GALNT18: variants seen among roughly 807,000 people sequenced by gnomAD.
The protein encoded by GALNT18 is polypeptide N-acetylgalactosaminyltransferase 18.
A neutral mutation model predicts 69.5 loss-of-function variants in GALNT18; 44 were observed. The observed-to-expected ratio is 0.63, with a 90% CI of 0.50 to 0.81. The LOEUF (loss-of-function observed/expected upper bound fraction) is 0.81. Ranked by LOEUF, GALNT18 falls within the 40% of genes least tolerant of loss-of-function variation. GALNT18 has a pLI of 0.00. For missense variants in GALNT18, 715 were observed against 810.0 expected (o/e 0.88, Z 1.42); for synonymous variants, 364 against 318.2 (o/e 1.14, Z -1.53).
intron 1 of GALNT18, among the ~76,000 whole-genome samples, chr11:11,534,539 G>A (rs1189619499): frequency 6.6e-6 from 1 of 152,230 alleles, no homozygotes; most frequent in East Asian, 1.9e-4. Flanking sequence ...CAGCCAGGGA[G>A]ACAGATGAGA....
intron 1 of GALNT18, among the ~76,000 whole-genome samples, chr11:11,473,294 T>C (rs11827554): frequency 0.16 from 24,343 of 152,230 alleles, 2,299 homozygotes; most frequent in African/African-American, 0.26. Context: ...AATGTATTTA[T>C]TGAGCAATCA....
Position 11,351,468 on chromosome 11 carries a change from A to T in GALNT18, c.1093-10464T>A, listed in dbSNP as rs151040356. ...CAGCCAGACTCTTCCAACCCTTGTA[A>T]GGGGACACAAAATCTAGAAGGATCT... On this transcript the variant is annotated intron_variant, in intron 6 of 10. Coordinates refer to ENST00000227756, the MANE Select transcript of GALNT18 (RefSeq NM_198516.3). Among the ~76,000 whole-genome samples the T allele has an allele frequency of 2.2e-3, 333 of 152,318 alleles. 2 individuals are homozygous for T. Among genetic ancestry groups the T allele is most frequent in the African/African-American group, 7.4e-3 (306 of 41,564 alleles).
At chr11:11,290,698 C>G (rs756169011) in intron 10 of GALNT18, among the ~76,000 whole-genome samples, 1 of 152,164 alleles carries the variant, frequency 6.6e-6, no homozygotes, top group Non-Finnish European at 1.5e-5. Context: ...CCTGAGAAAC[C>G]ACCAGCCCTG....
In GALNT18 at chr11:11,541,689, C is replaced by A. The variant is rs1857927291; in HGVS notation, c.235+79670G>T. On this transcript the variant is annotated intron_variant, in intron 1 of 10. Coordinates refer to ENST00000227756, the MANE Select transcript of GALNT18 (RefSeq NM_198516.3). This position sits in a 1 kb window ranked among gnomAD's most constrained non-coding sequence, Gnocchi z 4.8. ...CATGCTAGTAAGGCCCCCTTCCCAG[C>A]CCCCACACCTCTATTGCCCCAAAGC... 1.3e-5 allele frequency among the ~76,000 whole-genome samples: 2 copies of A among 152,150 alleles called. No individual in the cohort carries two copies. The highest frequency in any genetic ancestry group is 4.8e-5 in the African/African-American group (2 of 41,424).
intron 5 of GALNT18, among the ~76,000 whole-genome samples, chr11:11,374,594 G>T (rs1019718142): frequency 2.0e-5 from 3 of 152,188 alleles, no homozygotes; most frequent in Admixed American, 2.0e-4. Context: ...GCCAGGTAAT[G>T]AACAGAATCT....
intron 1 of GALNT18, among the ~76,000 whole-genome samples, chr11:11,581,022 A>G (rs73413641): frequency 0.05 from 7,585 of 152,312 alleles, 633 homozygotes; most frequent in African/African-American, 0.17. Context: ...GGCCGTTGGA[A>G]AGAGGGAGAC....
At chr11:11,335,386 T>C (rs1850094578) in intron 7 of GALNT18, among the ~76,000 whole-genome samples, 1 of 152,218 alleles carries the variant, frequency 6.6e-6, no homozygotes, top group Admixed American at 6.5e-5. Context: ...GCCCTGTGTG[T>C]TTACTATAAA....
At chr11:11,576,756 A>C (rs970307586) in intron 1 of GALNT18, among the ~76,000 whole-genome samples, 1 of 152,248 alleles carries the variant, frequency 6.6e-6, no homozygotes, top group African/African-American at 2.4e-5. Flanking sequence ...TGTGGGGCCC[A>C]CATTATCTGA....
At chr11:11,284,929 T>TTTTTTTA (rs1280772002) in intron 10 of GALNT18, among the ~76,000 whole-genome samples, 2 of 135,806 alleles carry the variant, frequency 1.5e-5, no homozygotes, top group African/African-American at 2.6e-5. Flanking sequence ...TTTTTTTTTT[T>TTTTTTTA]TAACTACTTG....
At chr11:11,610,685 C>T (rs989003931) in intron 1 of GALNT18, among the ~76,000 whole-genome samples, 1 of 152,152 alleles carries the variant, frequency 6.6e-6, no homozygotes, top group Non-Finnish European at 1.5e-5. Context: ...TGTCATAATT[C>T]CCACGTTATA....
chr11:11,417,000 C>T (rs1471339539), intron 3 of GALNT18, among the ~76,000 whole-genome samples: 2 of 152,214 alleles, frequency 1.3e-5, no homozygotes, highest in Non-Finnish European at 2.9e-5. Context: ...TCCTCTGCAG[C>T]CTGGTCGGCT....
chr11:11,513,231 T>C (rs1306992507), intron 1 of GALNT18, among the ~76,000 whole-genome samples: 1 of 152,176 alleles, frequency 6.6e-6, no homozygotes, highest in Non-Finnish European at 1.5e-5. Flanking sequence ...CCTCAGTTCT[T>C]CTTCTGTAAT....
intron 1 of GALNT18, among the ~76,000 whole-genome samples, chr11:11,579,484 C>T (rs992553253): frequency 2.0e-5 from 3 of 152,140 alleles, no homozygotes; most frequent in Admixed American, 6.5e-5. Flanking sequence ...TGGAGCTGCT[C>T]GGATTAGGTG....
rs1195522186 is a variant in GALNT18 at position 11,616,211 on chromosome 11, G to A, written c.235+5148C>T. Among the ~76,000 whole-genome samples, 1 of 152,114 alleles carries A rather than the reference G, an allele frequency of 6.6e-6. No homozygotes were observed. The highest frequency in any genetic ancestry group is 2.4e-5 in the African/African-American group (1 of 41,420). On this transcript the variant is annotated intron_variant, in intron 1 of 10. Transcript: ENST00000227756. The surrounding 1 kb of genome is among the most constrained non-coding windows in gnomAD (Gnocchi z 4.4). ...AAGATAAAACAAATACCAGGGGTGG[G>A]GGAGGATATTAAGTTCTAGAGTAAT... is the stretch of plus-strand genomic sequence containing the variant.
chr11:11,456,014 AG>A (rs1855917120), intron 1 of GALNT18, among the ~76,000 whole-genome samples: 2 of 152,188 alleles, frequency 1.3e-5, no homozygotes, highest in East Asian at 3.9e-4. Flanking sequence ...ACTTCAGCCC[AG>A]GAGGTCGAGG....
chr11:11,466,179 A>G (rs1189896842), intron 1 of GALNT18, among the ~76,000 whole-genome samples: 1 of 152,264 alleles, frequency 6.6e-6, no homozygotes, highest in Non-Finnish European at 1.5e-5. Context: ...AATGCTGTTC[A>G]TGACCTAGTA....
chr11:11,379,167 G>A lies in GALNT18; in HGVS notation c.693C>T (p.Leu231=), dbSNP rs1465600681. The stretch of plus-strand genomic sequence containing the variant: ...TCCAGCCACTGACCCTGGAGCGGAT[G>A]AGGCCTTCCTGCTTGCTGTGACGCA... The part of the protein sequence containing the change: ...KVVRHSKQEG[L]IRSRVSGWRA... Residue 231 remains leucine, a synonymous_variant, in exon 4 of 11, where the codon CTC becomes CTT. Coordinates refer to ENST00000227756, the MANE Select transcript of GALNT18 (RefSeq NM_198516.3). 1.9e-6 allele frequency: 3 copies of A among 1,612,380 alleles called. No individual in the cohort carries two copies. Among genetic ancestry groups the A allele is most frequent in the Admixed American group, 3.3e-5 (2 of 60,020 alleles).
intron 9 of GALNT18, among the ~76,000 whole-genome samples, chr11:11,300,695 ATC>A (rs1464308387): frequency 6.6e-6 from 1 of 152,180 alleles, no homozygotes; most frequent in African/African-American, 2.4e-5. Flanking sequence ...GAGGAGGAAT[ATC>A]TGAGAGCAAA....
rs565787419 is a variant in GALNT18 at position 11,315,251 on chromosome 11, T to C, written c.1512+11835A>G. ...TTCCAGGTCACAAGCTAACCAGTGG[T>C]GGAGCTGAGATTCACAGCCAGGTGG... On this transcript the variant is annotated intron_variant, in intron 9 of 10. Transcript: ENST00000227756. The surrounding 1 kb of genome is among the most constrained non-coding windows in gnomAD (Gnocchi z 5.6). 5.9e-5 allele frequency among the ~76,000 whole-genome samples: 9 copies of C among 152,256 alleles called. No homozygotes were observed. The highest frequency in any genetic ancestry group is 1.4e-4 in the African/African-American group (6 of 41,534).
Sources: allele counts gnomAD v4.1 joint callset (sites outside exome capture counted in the v4.1 genomes callset), GRCh38; gene constraint gnomAD v4.1.1; non-coding constraint Gnocchi (gnomAD v3.1); transcripts MANE v1.5; gene names NCBI Gene and HGNC (gene_info 2026-07-23, HGNC 2026-07-21).